Variants in CA10 observed in about 807,000 individuals in gnomAD.
The protein encoded by CA10 is carbonic anhydrase-related protein 10.
A neutral mutation model predicts 44.2 loss-of-function variants in CA10; 14 were observed. That is an observed-to-expected ratio of 0.32 (90% CI 0.21 to 0.50). The LOEUF (loss-of-function observed/expected upper bound fraction) is 0.50. CA10 is among the 20% of genes least tolerant of loss of function. CA10 has a pLI of 0.99. For synonymous variants in CA10, 159 were observed against 141.6 expected, an observed-to-expected ratio of 1.12 and a Z score of -0.87; for missense variants, 350 against 409.7, an observed-to-expected ratio of 0.85 and a Z score of 1.26.
intron 3 of CA10, among the ~76,000 whole-genome samples, chr17:51,778,748 A>G (rs560064967): frequency 1.1e-3 from 173 of 152,314 alleles, no homozygotes; most frequent in Non-Finnish European, 6.5e-4. Context: ...TTTCCGAAAC[A>G]ATCAGAGGAG....
At chr17:52,153,881 G>A (rs947867059) in intron 1 of CA10, among the ~76,000 whole-genome samples, 8 of 152,210 alleles carry the variant, frequency 5.3e-5, no homozygotes. Flanking sequence ...GAACAAACAT[G>A]TGACACGTGT....
chr17:52,022,149 TA>T (rs936061006), intron 2 of CA10, among the ~76,000 whole-genome samples: 1 of 151,774 alleles, frequency 6.6e-6, no homozygotes, highest in African/African-American at 2.4e-5. Context: ...AAAGACATGA[TA>T]AAAAAAGAAA....
chr17:51,829,074 A>G (rs1361211601), intron 3 of CA10, among the ~76,000 whole-genome samples: 1 of 152,226 alleles, frequency 6.6e-6, no homozygotes, highest in Non-Finnish European at 1.5e-5. Flanking sequence ...ATGGCCCTGC[A>G]AGCTGAGAAT....
intron 1 of CA10, among the ~76,000 whole-genome samples, chr17:52,122,105 G>T (rs772931872): frequency 2.0e-5 from 3 of 152,156 alleles, no homozygotes; most frequent in Non-Finnish European, 2.9e-5. Context: ...GTAAGAAAAA[G>T]TTCTAAAACC....
chr17:52,150,601 A>G (rs1989682623), intron 1 of CA10, among the ~76,000 whole-genome samples: 1 of 152,192 alleles, frequency 6.6e-6, no homozygotes, highest in Admixed American at 6.5e-5. Flanking sequence ...CATTTAGTTA[A>G]CCATGGGTAT....
At chr17:51,964,212 T>A (rs1983996823) in intron 2 of CA10, among the ~76,000 whole-genome samples, 1 of 151,916 alleles carries the variant, frequency 6.6e-6, no homozygotes, top group Non-Finnish European at 1.5e-5. Flanking sequence ...ACAAGAAGCC[T>A]TTACTATCCT....
chr17:51,749,807 A>G (rs1210724743), intron 3 of CA10, among the ~76,000 whole-genome samples: 1 of 152,220 alleles, frequency 6.6e-6, no homozygotes, highest in Non-Finnish European at 1.5e-5. Flanking sequence ...AGAGGAGACC[A>G]CACACTGGGG....
At chr17:51,886,305 A>G (rs1177920984) in intron 3 of CA10, among the ~76,000 whole-genome samples, 1 of 152,310 alleles carries the variant, frequency 6.6e-6, no homozygotes, top group African/African-American at 2.4e-5. Context: ...TGGAGTAACA[A>G]TTCCCTCCCA....
At chr17:51,652,489 C>T (rs1913610715) in intron 5 of CA10, among the ~76,000 whole-genome samples, 2 of 152,216 alleles carry the variant, frequency 1.3e-5, no homozygotes, top group South Asian at 4.1e-4. Flanking sequence ...TTGTTAATGA[C>T]AAACCAGAGG....
chr17:52,124,632 T>C (rs1039344105), intron 1 of CA10, among the ~76,000 whole-genome samples: 11 of 152,268 alleles, frequency 7.2e-5, no homozygotes, highest in Non-Finnish European at 1.6e-4. Context: ...TCTCCATGAC[T>C]GCTCATTATT....
chr17:51,884,173 C>T (rs1256443248), intron 3 of CA10, among the ~76,000 whole-genome samples: 1 of 152,170 alleles, frequency 6.6e-6, no homozygotes, highest in Non-Finnish European at 1.5e-5. Flanking sequence ...CACAGCCACC[C>T]TTTCCCTGGA....
intron 2 of CA10, among the ~76,000 whole-genome samples, chr17:51,966,146 A>T (rs1272887817): frequency 6.6e-6 from 1 of 151,862 alleles, no homozygotes; most frequent in African/African-American, 2.4e-5. Context: ...CTAAAAATAT[A>T]TCTAACCAAG....
intron 4 of CA10, among the ~76,000 whole-genome samples, chr17:51,672,432 G>C (rs1259115620): frequency 6.6e-6 from 1 of 152,206 alleles, no homozygotes; most frequent in South Asian, 2.1e-4. Context: ...CCAAGGCATT[G>C]TACTTGGTGT....
chr17:51,877,482 C>T lies in CA10; in HGVS notation c.279+53508G>A, dbSNP rs565909866. On this transcript the variant is annotated intron_variant, in intron 3 of 8. Transcript: ENST00000451037. ...ACTATTTACTCTTCCCTGACCATCC[C>T]GCATCATGATGATTCTCTCTTTGAT... Among the ~76,000 whole-genome samples, 41 of 152,270 alleles carry T rather than the reference C, an allele frequency of 2.7e-4. 1 individual carries two copies. The highest frequency in any genetic ancestry group is 9.6e-4 in the African/African-American group (40 of 41,538).
At chr17:52,056,134 C>T (rs769308189) in intron 2 of CA10, among the ~76,000 whole-genome samples, 2 of 151,960 alleles carry the variant, frequency 1.3e-5, no homozygotes, top group Non-Finnish European at 2.9e-5. Context: ...GAAGAGCAGG[C>T]ACAGCGGGCT....
chr17:51,712,983 G>A (rs765186604), intron 4 of CA10, among the ~76,000 whole-genome samples: 17 of 152,166 alleles, frequency 1.1e-4, no homozygotes, highest in Admixed American at 3.3e-4. Context: ...TATCTGTTGT[G>A]TCCTCCACAG....
At chr17:52,002,594 T>C (rs1408021040) in intron 2 of CA10, among the ~76,000 whole-genome samples, 2 of 151,474 alleles carry the variant, frequency 1.3e-5, no homozygotes, top group African/African-American at 4.9e-5. Context: ...GCATGCACTA[T>C]ATCTACACTT....
chr17:51,711,283 T>C (rs1378251944), intron 4 of CA10, among the ~76,000 whole-genome samples: 1 of 152,152 alleles, frequency 6.6e-6, no homozygotes, highest in African/African-American at 2.4e-5. Context: ...GGTGTGTTGT[T>C]CTGGTTTCGA....
intron 3 of CA10, among the ~76,000 whole-genome samples, chr17:51,900,410 G>A (rs539060858): frequency 4.6e-5 from 7 of 152,170 alleles, no homozygotes; most frequent in Admixed American, 4.6e-4. Context: ...TAGCCTGATG[G>A]GGTTCTCTTT....
Sources: gnomAD v4.1 joint callset for allele counts (sites outside exome capture counted in the v4.1 genomes callset) on GRCh38, gnomAD v4.1.1 for gene constraint, MANE v1.5 for transcripts, NCBI Gene and HGNC (gene_info 2026-07-23, HGNC 2026-07-21) for gene names.